The following RSPO1 variants were observed in gnomAD, a reference collection of about 807,000 sequenced individuals.
The protein encoded by RSPO1 is R-spondin 1.
A neutral mutation model predicts 26.0 loss-of-function variants in RSPO1; 18 were observed. The observed-to-expected ratio is 0.69, with a 90% CI of 0.48 to 1.03. RSPO1 has a LOEUF of 1.03. Ranked by LOEUF, RSPO1 falls within the 50% of genes least tolerant of loss-of-function variation. The pLI, the probability that RSPO1 is intolerant of heterozygous loss-of-function variation, is 0.00. For missense variants in RSPO1, 309 were observed against 352.3 expected, an observed-to-expected ratio of 0.88 and a Z score of 0.98; for synonymous variants, 133 against 137.4, an observed-to-expected ratio of 0.97 and a Z score of 0.22.
chr1:37,613,962 A>T lies in RSPO1; in HGVS notation c.437-70T>A. The T allele has an allele frequency of 1.3e-6, 2 of 1,541,188 alleles. No homozygotes were observed. The highest frequency in any genetic ancestry group is 4.5e-5 in the East Asian group (2 of 44,574). On this transcript the variant is annotated intron_variant, in intron 5 of 6. Coordinates refer to ENST00000356545, the MANE Select transcript of RSPO1 (RefSeq NM_001242908.2). The surrounding 1 kb of genome is among the most constrained non-coding windows in gnomAD (Gnocchi z 4.5). ...GATCATGTCTCCTCCTCTGGCCCAG[A>T]ATAGCCCAGGGGAGCATCTCCCACT...
intron 4 of RSPO1, among the ~76,000 whole-genome samples, chr1:37,614,738 G>A (rs1340671766): frequency 6.6e-6 from 1 of 152,218 alleles, no homozygotes; most frequent in Non-Finnish European, 1.5e-5. Flanking sequence ...AAACAGAGTT[G>A]AACTGAGGGA....
In RSPO1 at chr1:37,631,341, C is replaced by T. The variant is rs556265663; in HGVS notation, c.-289+946G>A. Among the ~76,000 whole-genome samples, 5 of 152,298 alleles carry T rather than the reference C, an allele frequency of 3.3e-5. No homozygotes were observed. In the South Asian group the frequency reaches 1.0e-3, roughly 32 times the overall value. The stretch of plus-strand genomic sequence containing the variant: ...GTGGCCTGAGCCAGAGGAGATGCCC[C>T]CAGCTACCCCCAAATGCCCGTCAGC... On this transcript the variant is annotated intron_variant, in intron 2 of 6. Coordinates refer to ENST00000356545, the MANE Select transcript of RSPO1 (RefSeq NM_001242908.2).
intron 3 of RSPO1, among the ~76,000 whole-genome samples, chr1:37,628,514 A>T (rs770526430): frequency 6.6e-6 from 1 of 152,204 alleles, no homozygotes; most frequent in Non-Finnish European, 1.5e-5. Context: ...GCTGGGCTAG[A>T]CTTCAGGAAG....
chr1:37,630,529 G>A (rs575735276), intron 2 of RSPO1, among the ~76,000 whole-genome samples: 2 of 152,322 alleles, frequency 1.3e-5, no homozygotes, highest in African/African-American at 4.8e-5. Flanking sequence ...CAGCAGGCCC[G>A]GCGGGCCTGG....
Position 37,613,589 on chromosome 1 carries a change from A to G in RSPO1, c.625+115T>C. On this transcript the variant is annotated intron_variant, in intron 6 of 6. Coordinates refer to ENST00000356545, the MANE Select transcript of RSPO1 (RefSeq NM_001242908.2). This position sits in a 1 kb window ranked among gnomAD's most constrained non-coding sequence, Gnocchi z 4.5. Reference sequence around the variant, plus strand: ...TGAGGTCTTGAGTTGCGGGTGCCCCATCTGGCCTTGCCCTGAAGCTTCTTC... The same window carrying G: ...TGAGGTCTTGAGTTGCGGGTGCCCCGTCTGGCCTTGCCCTGAAGCTTCTTC... 6 of 867,110 alleles carry G rather than the reference A, an allele frequency of 6.9e-6. No homozygotes were observed. Among genetic ancestry groups the G allele is most frequent in the Non-Finnish European group, 1.1e-5 (6 of 533,888 alleles). 53.7% of individuals were successfully genotyped at this position (867,110 alleles called of 1,614,324 possible).
At position 37,615,370 on chromosome 1, in the gene RSPO1, A is replaced by G. The variant is rs113913316; in HGVS notation, c.287-1037T>C. 8.2e-3 allele frequency among the ~76,000 whole-genome samples: 1,243 copies of G among 152,300 alleles called. 9 individuals are homozygous for G. Among genetic ancestry groups the G allele is most frequent in the East Asian group, 0.044 (228 of 5,176 alleles). ...GAGTGCCAGACACTAAGGGCTTTAC[A>G]TGCATGTCTCACAACAACCCTAGGG... On this transcript the variant is annotated intron_variant, in intron 4 of 6. Transcript: ENST00000356545.
intron 3 of RSPO1, among the ~76,000 whole-genome samples, chr1:37,617,125 AT>A (rs1415739475): frequency 2.0e-5 from 3 of 152,168 alleles, no homozygotes; most frequent in Non-Finnish European, 4.4e-5. Flanking sequence ...CACAAAGACA[AT>A]TGGAATAATC....
chr1:37,628,332 G>A (rs777530838), intron 3 of RSPO1, among the ~76,000 whole-genome samples: 12 of 152,166 alleles, frequency 7.9e-5, no homozygotes, highest in Non-Finnish European at 1.5e-4. Context: ...AAACCTAACC[G>A]TCTCTAATTG....
intron 2 of RSPO1, among the ~76,000 whole-genome samples, chr1:37,631,023 CAGAG>C (rs5773596): frequency 0.23 from 35,533 of 151,908 alleles, 4,257 homozygotes; most frequent in East Asian, 0.33. Flanking sequence ...AGCTGAGAGT[CAGAG>C]AGTTCAGGCT....
intron 3 of RSPO1, among the ~76,000 whole-genome samples, chr1:37,621,448 G>C (rs888726997): frequency 3.3e-5 from 5 of 152,138 alleles, no homozygotes; most frequent in African/African-American, 1.2e-4. Flanking sequence ...GCCAAAGAGA[G>C]GGGAGGGAGT....
chr1:37,630,062 T>A, intron 2 of RSPO1, 113 bp from the exon 3 acceptor site: 1 of 635,572 alleles, frequency 1.6e-6, no homozygotes, highest in Non-Finnish European at 2.9e-6. Context: ...CATTACAAGT[T>A]ACCTACCTAG....
Position 37,612,452 on chromosome 1 carries a change from T to C in RSPO1, c.*303A>G. The C allele has an allele frequency of 2.2e-6, 1 of 461,908 alleles. No individual in the cohort carries two copies. Among genetic ancestry groups the C allele is most frequent in the Non-Finnish European group, 4.0e-6 (1 of 252,286 alleles). 28.6% of individuals were successfully genotyped at this position (461,908 alleles called of 1,614,324 possible). A position where few individuals can be genotyped will look rare whatever the true frequency, so the allele number is the denominator to read the frequency against. ...TCCACTGGGAGCTCTGGAAACCAAG[T>C]GTGTACTGCTGGGCCCGAGGGATGG... is the stretch of plus-strand genomic sequence containing the variant. On this transcript the variant is annotated 3_prime_UTR_variant, in exon 7 of 7. Transcript: ENST00000356545.
intron 3 of RSPO1, 100 bp downstream of exon 3, chr1:37,629,468 A>C (rs1000638588): frequency 1.1e-6 from 1 of 898,906 alleles, no homozygotes; most frequent in African/African-American, 1.6e-5. Flanking sequence ...GGAACTCTGC[A>C]AGGGTCATCA....
Position 37,612,747 on chromosome 1 carries a change from C to T in RSPO1, c.*8G>A, listed in dbSNP as rs756221900. ...TTTCTGCATGGGCCTGGAGGCTGGA[C>T]AGTGTCCCTAGGCAGGCCCTGCAGA... On this transcript the variant is annotated 3_prime_UTR_variant, in exon 7 of 7. Transcript: ENST00000356545. 6.2e-7 allele frequency: 1 copy of T among 1,609,078 alleles called. No individual in the cohort carries two copies.
chr1:37,614,115 C>G (rs1458491846), intron 5 of RSPO1, 69 bp downstream of exon 5: 1 of 1,569,808 alleles, frequency 6.4e-7, no homozygotes, highest in Non-Finnish European at 8.7e-7. Context: ...CGCTCTCTTG[C>G]CAGACCCTTA....
chr1:37,630,648 G>T (rs569066305), intron 2 of RSPO1, among the ~76,000 whole-genome samples: 2 of 152,326 alleles, frequency 1.3e-5, no homozygotes, highest in South Asian at 4.1e-4. Context: ...CCCGCTGGCC[G>T]GCTGGGGTGA....
intron 2 of RSPO1, among the ~76,000 whole-genome samples, chr1:37,631,389 C>T (rs559980496): frequency 1.3e-5 from 2 of 152,234 alleles, no homozygotes; most frequent in Non-Finnish European, 2.9e-5. Context: ...CACGCCCCTC[C>T]AGTACTCCCT....
At chr1:37,620,219 ATG>A (rs1644179518) in intron 3 of RSPO1, among the ~76,000 whole-genome samples, 1 of 152,188 alleles carries the variant, frequency 6.6e-6, no homozygotes, top group East Asian at 1.9e-4. Context: ...TTTTTGGAAA[ATG>A]AAATTTATGG....
rs556071828 is a variant in RSPO1 at position 37,631,400 on chromosome 1, G to A, written c.-289+887C>T. ...CCTGCACGCCCCTCCAGTACTCCCT[G>A]CCTGATTTACCAAAGCCTTTCTATC... On this transcript the variant is annotated intron_variant, in intron 2 of 6. Coordinates refer to ENST00000356545, the MANE Select transcript of RSPO1 (RefSeq NM_001242908.2). Among the ~76,000 whole-genome samples, 8 of 152,146 alleles carry A rather than the reference G, an allele frequency of 5.3e-5. No homozygotes were observed. The South Asian group carries it at 1.7e-3, about 32-fold the overall frequency.
Sources: allele counts gnomAD v4.1 joint callset (sites outside exome capture counted in the v4.1 genomes callset), GRCh38; gene constraint gnomAD v4.1.1; non-coding constraint Gnocchi (gnomAD v3.1); transcripts MANE v1.5; gene names NCBI Gene and HGNC (gene_info 2026-07-23, HGNC 2026-07-21).